Variants in FBXW4 observed in about 807,000 individuals in gnomAD.
FBXW4 encodes F-box and WD repeat domain containing 4, also known as F-box/WD repeat-containing protein 4.
FBXW4 carries 40 observed loss-of-function variants against 61.8 expected under a neutral mutation model. That is an observed-to-expected ratio of 0.65 (90% CI 0.50 to 0.84). The LOEUF is 0.84. FBXW4 is among the 40% of genes least tolerant of loss of function. The pLI, the probability that FBXW4 is intolerant of heterozygous loss-of-function variation, is 0.00. For missense variants in FBXW4, 672 were observed against 753.8 expected, an observed-to-expected ratio of 0.89 and a Z score of 1.27; for synonymous variants, 311 against 313.8, an observed-to-expected ratio of 0.99 and a Z score of 0.10.
In FBXW4 at chr10:101,695,108, G is replaced by C. The variant is rs947008344; in HGVS notation, c.-3C>G. ...CCCGAGCGGCCCTGGCTGCCCATGA[G>C]CGGCCGCGGGGCCGGCCCGACGCGG... On this transcript the variant is annotated 5_prime_UTR_variant, in exon 1 of 9. Coordinates refer to ENST00000331272, the MANE Select transcript of FBXW4 (RefSeq NM_022039.4). This position sits in a 1 kb window ranked among gnomAD's most constrained non-coding sequence, Gnocchi z 4.2. 2.9e-5 allele frequency: 29 copies of C among 985,340 alleles called. No individual in the cohort carries two copies. Among genetic ancestry groups the C allele is most frequent in the Admixed American group, 6.2e-5 (1 of 16,222 alleles). The allele number at this position is 985,340 out of a possible 1,614,324, so 61.0% of individuals were successfully genotyped here.
intron 5 of FBXW4, among the ~76,000 whole-genome samples, chr10:101,639,630 C>T (rs1320526990): frequency 1.3e-5 from 2 of 152,248 alleles, no homozygotes; most frequent in Admixed American, 1.3e-4. Context: ...AAGAGATGCG[C>T]AGCTGACCCA....
intron 6 of FBXW4, among the ~76,000 whole-genome samples, chr10:101,614,699 A>G (rs2063812908): frequency 6.6e-6 from 1 of 152,200 alleles, no homozygotes; most frequent in Non-Finnish European, 1.5e-5. Flanking sequence ...ATGAAAAGAT[A>G]CAATTTCTTT....
intron 5 of FBXW4, among the ~76,000 whole-genome samples, chr10:101,643,198 A>G (rs2064068654): frequency 6.6e-6 from 1 of 152,204 alleles, no homozygotes. Context: ...CATGGGAGCA[A>G]GATTGTAATG....
At chr10:101,612,596 A>G (rs2063797116) in intron 6 of FBXW4, 119 bp from the exon 7 acceptor site, 80 of 1,175,594 alleles carry the variant, frequency 6.8e-5, no homozygotes, top group Non-Finnish European at 8.8e-5. Flanking sequence ...AATGAGACTC[A>G]AGGAAGGGGG....
At chr10:101,637,880 C>T (rs1478467269) in intron 5 of FBXW4, among the ~76,000 whole-genome samples, 1 of 152,048 alleles carries the variant, frequency 6.6e-6, no homozygotes, top group East Asian at 1.9e-4. Flanking sequence ...ACCCCGTAAT[C>T]ACTATTTTAT....
At chr10:101,661,271 G>C (rs531332028) in intron 5 of FBXW4, among the ~76,000 whole-genome samples, 1 of 152,148 alleles carries the variant, frequency 6.6e-6, no homozygotes, top group Non-Finnish European at 1.5e-5. Context: ...GCCAGGGCTC[G>C]GAGAGTGCTG....
At chr10:101,691,645 T>C (rs573880943) in intron 1 of FBXW4, among the ~76,000 whole-genome samples, 2 of 152,284 alleles carry the variant, frequency 1.3e-5, no homozygotes, top group East Asian at 3.9e-4. Context: ...AAAATAAACA[T>C]CAATTCTTTC....
At chr10:101,640,022 T>C (rs1381161573) in intron 5 of FBXW4, among the ~76,000 whole-genome samples, 1 of 152,242 alleles carries the variant, frequency 6.6e-6, no homozygotes, top group Non-Finnish European at 1.5e-5. Context: ...CCCAACTGAA[T>C]GTCCTCACTG....
In FBXW4 at chr10:101,694,695, T is replaced by C. The variant is rs1461909225; in HGVS notation, c.411A>G (p.Arg137=). 2 of 1,377,584 alleles carry C rather than the reference T, an allele frequency of 1.5e-6. No individual in the cohort carries two copies. Among genetic ancestry groups the C allele is most frequent in the African/African-American group, 3.1e-5 (2 of 65,290 alleles). The allele number at this position is 1,377,584 out of a possible 1,614,324, so 85.3% of individuals were successfully genotyped here. A position where few individuals can be genotyped will look rare whatever the true frequency, so the allele number is the denominator to read the frequency against. Residue 137 remains arginine, a synonymous_variant, in exon 1 of 9, where the codon AGA becomes AGG. Transcript: ENST00000331272. The surrounding 1 kb of genome is among the most constrained non-coding windows in gnomAD (Gnocchi z 6.0). ...ARRREGARPG[R]AQGRGGQAWA... ...AAGCCTGACCCCCTCGTCCCTGTGC[T>C]CTTCCCGGCCTGGCGCCCTCCCGCC... is the stretch of plus-strand genomic sequence containing the variant.
intron 5 of FBXW4, among the ~76,000 whole-genome samples, chr10:101,652,382 A>G (rs2134862096): frequency 6.6e-6 from 1 of 152,248 alleles, no homozygotes; most frequent in East Asian, 1.9e-4. Context: ...CCTGGATACC[A>G]GTACACATGG....
Position 101,694,334 on chromosome 10 carries a change from G to C in FBXW4, c.725+47C>G. The stretch of plus-strand genomic sequence containing the variant: ...GCGGCGCCCCGCCCTTTCCCGGGAC[G>C]CGGGGCCGGCTCGGGGCGGGGAGCG... On this transcript the variant is annotated intron_variant, in intron 1 of 8. Transcript: ENST00000331272. This position sits in a 1 kb window ranked among gnomAD's most constrained non-coding sequence, Gnocchi z 6.0. 2 of 1,337,228 alleles carry C rather than the reference G, an allele frequency of 1.5e-6. No homozygotes were observed. Among genetic ancestry groups the C allele is most frequent in the Non-Finnish European group, 1.9e-6 (2 of 1,050,284 alleles). 82.8% of individuals were successfully genotyped at this position (1,337,228 alleles called of 1,614,324 possible).
chr10:101,682,355 A>C (rs2064487341), intron 1 of FBXW4, among the ~76,000 whole-genome samples: 1 of 152,202 alleles, frequency 6.6e-6, no homozygotes, highest in Non-Finnish European at 1.5e-5. Flanking sequence ...CTACACTACC[A>C]GACTACTGCT....
chr10:101,694,648 C>A lies in FBXW4; in HGVS notation c.458G>T (p.Gly153Val). Reference sequence around the variant, plus strand: ...CCCGGCCGCCGCCGCCATGGCCACCCCTGTCCCCGCGATGTCGGCCCAAGC... The same window carrying A: ...CCCGGCCGCCGCCGCCATGGCCACCACTGTCCCCGCGATGTCGGCCCAAGC... ...GQAWADIAGTGVAMAAAAGEE... is the reference protein window; with the variant it reads ...GQAWADIAGTVVAMAAAAGEE... The change falls in exon 1 of 9, where the codon GGG becomes GTG. Residue 153 changes from glycine (G) to valine (V), a missense_variant. Transcript: ENST00000331272. This position sits in a 1 kb window ranked among gnomAD's most constrained non-coding sequence, Gnocchi z 6.0. 1 of 1,415,644 alleles carries A rather than the reference C, an allele frequency of 7.1e-7. No individual in the cohort carries two copies. The allele number at this position is 1,415,644 out of a possible 1,614,324, so 87.7% of individuals were successfully genotyped here. A position where few individuals can be genotyped will look rare whatever the true frequency, so the allele number is the denominator to read the frequency against.
At chr10:101,662,438 A>G (rs2064253541) in intron 5 of FBXW4, among the ~76,000 whole-genome samples, 1 of 152,156 alleles carries the variant, frequency 6.6e-6, no homozygotes, top group South Asian at 2.1e-4. Context: ...GACTTGGACT[A>G]ATCCCCTCAA....
intron 6 of FBXW4, among the ~76,000 whole-genome samples, chr10:101,614,476 G>A (rs10883665): frequency 0.16 from 24,911 of 152,114 alleles, 2,453 homozygotes; most frequent in Middle Eastern, 0.24. Context: ...TGTCATGGCC[G>A]TAAGTATCTG....
chr10:101,691,470 G>C (rs568723273), intron 1 of FBXW4, among the ~76,000 whole-genome samples: 10 of 152,104 alleles, frequency 6.6e-5, no homozygotes, highest in Non-Finnish European at 1.5e-4. Context: ...CCTTACCCTA[G>C]GACATGGGCG....
At chr10:101,633,596 T>TA (rs995623871) in intron 5 of FBXW4, among the ~76,000 whole-genome samples, 1 of 151,882 alleles carries the variant, frequency 6.6e-6, no homozygotes, top group African/African-American at 2.4e-5. Flanking sequence ...TAAAGTATAA[T>TA]AAAAAAAGAT....
chr10:101,683,810 T>G (rs2064503868), intron 1 of FBXW4, among the ~76,000 whole-genome samples: 1 of 152,070 alleles, frequency 6.6e-6, no homozygotes, highest in African/African-American at 2.4e-5. Context: ...GATGGCATGA[T>G]TTCCATAAGC....
At chr10:101,639,872 G>A (rs185552251) in intron 5 of FBXW4, among the ~76,000 whole-genome samples, 2 of 152,266 alleles carry the variant, frequency 1.3e-5, no homozygotes, top group East Asian at 3.9e-4. Context: ...CCTTTGGCTT[G>A]GTTTTTCACC....
Sources: allele counts gnomAD v4.1 joint callset (sites outside exome capture counted in the v4.1 genomes callset), GRCh38; gene constraint gnomAD v4.1.1; non-coding constraint Gnocchi (gnomAD v3.1); transcripts MANE v1.5; gene names NCBI Gene and HGNC (gene_info 2026-07-23, HGNC 2026-07-21).